MAF: variants seen among roughly 807,000 people sequenced by gnomAD.
MAF encodes MAF bZIP transcription factor, also known as transcription factor Maf.
In MAF, 10 loss-of-function variants were observed where a neutral mutation model predicts 22.0. That is an observed-to-expected ratio of 0.45 (90% CI 0.28 to 0.77). MAF has a LOEUF of 0.77. MAF is among the 30% of genes least tolerant of loss of function. MAF has a pLI of 0.12. For missense variants in MAF, 544 were observed against 548.4 expected (o/e 0.99, Z 0.08); for synonymous variants, 337 against 255.8 (o/e 1.32, Z -3.03).
chr16:79,351,006 G>C, the MAF span, among the ~76,000 whole-genome samples: 1 of 152,038 alleles, frequency 6.6e-6, no homozygotes, highest in Non-Finnish European at 1.5e-5. Context: ...CAGCTTCCAG[G>C]CTTGAGAATC....
At chr16:79,596,164 G>A (rs559581756) in intron 1 of MAF, 187 of 1,062,936 alleles carry the variant, frequency 1.8e-4, no homozygotes, top group Non-Finnish European at 2.1e-4. Flanking sequence ...CAGAAGTGTA[G>A]GGCCATGCTC....
the MAF span, among the ~76,000 whole-genome samples, chr16:79,230,276 C>A: frequency 6.6e-6 from 1 of 152,072 alleles, no homozygotes; most frequent in African/African-American, 2.4e-5. Context: ...ACCTTTCACC[C>A]GGCTAAGGCA....
chr16:79,360,347 C>A, the MAF span, among the ~76,000 whole-genome samples: 1 of 152,262 alleles, frequency 6.6e-6, no homozygotes, highest in East Asian at 1.9e-4. Context: ...TTAAATGATG[C>A]CCTACTGGGT....
At chr16:79,373,761 C>T in the MAF span, among the ~76,000 whole-genome samples, 1 of 152,154 alleles carries the variant, frequency 6.6e-6, no homozygotes, top group African/African-American at 2.4e-5. Context: ...CTGCCCCAGA[C>T]TCTGCAAAGT....
the MAF span, among the ~76,000 whole-genome samples, chr16:79,217,570 C>T: frequency 3.1e-3 from 473 of 152,290 alleles, 1 homozygote; most frequent in African/African-American, 0.01. Flanking sequence ...AGTTGGTCTG[C>T]ACCTTCTCAT....
At chr16:79,287,889 A>G in the MAF span, among the ~76,000 whole-genome samples, 1 of 152,188 alleles carries the variant, frequency 6.6e-6, no homozygotes, top group African/African-American at 2.4e-5. Flanking sequence ...CAGACAAGGC[A>G]CATTTTAATT....
the MAF span, among the ~76,000 whole-genome samples, chr16:79,240,241 T>C: frequency 2.4e-3 from 358 of 151,606 alleles, 8 homozygotes; most frequent in African/African-American, 8.2e-3. Context: ...TCTTATGTTT[T>C]TGAATGAAAA....
the MAF span, among the ~76,000 whole-genome samples, chr16:79,227,333 A>G: frequency 6.6e-6 from 1 of 152,094 alleles, no homozygotes; most frequent in Non-Finnish European, 1.5e-5. Context: ...CCTGGGGGAC[A>G]GAAGGATACC....
At chr16:79,222,508 T>C in the MAF span, among the ~76,000 whole-genome samples, 1 of 151,662 alleles carries the variant, frequency 6.6e-6, no homozygotes, top group Non-Finnish European at 1.5e-5. Flanking sequence ...TAAAGTATAA[T>C]AATAAAAAAA....
chr16:79,343,718 C>G, the MAF span, among the ~76,000 whole-genome samples: 2 of 152,138 alleles, frequency 1.3e-5, no homozygotes, highest in African/African-American at 4.8e-5. Context: ...GATTATGTCT[C>G]TCTTTGGATT....
chr16:79,357,701 G>A, the MAF span, among the ~76,000 whole-genome samples: 4 of 152,078 alleles, frequency 2.6e-5, no homozygotes, highest in Non-Finnish European at 5.9e-5. Flanking sequence ...TGCTTGGACT[G>A]GTTACTAGAT....
At chr16:79,353,736 T>A in the MAF span, among the ~76,000 whole-genome samples, 1 of 152,112 alleles carries the variant, frequency 6.6e-6, no homozygotes, top group African/African-American at 2.4e-5. Context: ...TAGTATACAG[T>A]CTGCAGCCCA....
chr16:79,487,474 A>C, the MAF span, among the ~76,000 whole-genome samples: 1 of 152,192 alleles, frequency 6.6e-6, no homozygotes, highest in Non-Finnish European at 1.5e-5. Flanking sequence ...ATCTCAATTA[A>C]AAAATTAAGT....
At position 79,599,354 on chromosome 16, in the gene MAF, G is replaced by C. The variant is rs1567567593; in HGVS notation, c.549C>G (p.His183Gln). ...AQSGAGPHYH[H>Q]HHHHAAGHHH... is the part of the protein sequence containing the mutation. ...GGTGGCCGGCGGCGTGGTGGTGGTG[G>C]TGGTGGTAGTGCGGGCCCGCGCCGC... The change falls in exon 1 of 2, where the codon CAC (histidine) becomes CAG (glutamine). Residue 183 changes from histidine to glutamine, a missense_variant. Around this residue, in one of 5 missense-constraint regions of MAF, gnomAD observed 342 missense variants for 315.5 expected, o/e 1.08. Coordinates refer to ENST00000326043, the MANE Select transcript of MAF (RefSeq NM_005360.5). The C allele has an allele frequency of 3.0e-6, 3 of 994,050 alleles. No individual in the cohort carries two copies. Among genetic ancestry groups the C allele is most frequent in the Non-Finnish European group, 3.6e-6 (3 of 837,486 alleles). The allele number at this position is 994,050 out of a possible 1,614,324, so 61.6% of individuals were successfully genotyped here.
the MAF span, among the ~76,000 whole-genome samples, chr16:79,538,422 A>G: frequency 1.6e-4 from 24 of 152,338 alleles, no homozygotes; most frequent in Middle Eastern, 3.4e-3. Flanking sequence ...TGCACTGAAT[A>G]TTTAAATGTC....
the MAF span, among the ~76,000 whole-genome samples, chr16:79,461,773 A>C: frequency 0.015 from 2,235 of 152,282 alleles, 56 homozygotes; most frequent in African/African-American, 0.051. Flanking sequence ...AAAACAGTCC[A>C]GGAAAATGGA....
chr16:79,582,384 T>C (rs1721396423), downstream of MAF, among the ~76,000 whole-genome samples: 2 of 152,240 alleles, frequency 1.3e-5, no homozygotes, highest in Non-Finnish European at 2.9e-5. Flanking sequence ...TGCTGCACTT[T>C]TGCAGAAATT....
chr16:79,428,007 T>C, the MAF span, among the ~76,000 whole-genome samples: 2 of 150,556 alleles, frequency 1.3e-5, no homozygotes, highest in East Asian at 3.9e-4. Context: ...AGCTTTTCTG[T>C]TGTAAACCTG....
chr16:79,494,124 T>C, the MAF span, among the ~76,000 whole-genome samples: 12 of 152,230 alleles, frequency 7.9e-5, no homozygotes, highest in African/African-American at 1.9e-4. Context: ...TGGTTTTCCA[T>C]TGCTGCCATA....
Sources: allele counts gnomAD v4.1 joint callset (sites outside exome capture counted in the v4.1 genomes callset), GRCh38; gene constraint gnomAD v4.1.1; regional missense constraint gnomAD v4.1.1; transcripts MANE v1.5; gene names NCBI Gene and HGNC (gene_info 2026-07-23, HGNC 2026-07-21).